Variants in EYS observed in about 807,000 individuals in gnomAD.
The protein encoded by EYS is EGF-like photoreceptor maintenance factor.
EYS carries 250 observed loss-of-function variants against 282.1 expected under a neutral mutation model. The observed-to-expected ratio is 0.89, with a 90% CI of 0.80 to 0.98. The LOEUF is 0.98. Among genes scored for constraint, EYS ranks in the 50% least tolerant of loss-of-function variants. EYS has a pLI of 0.00. For missense variants in EYS, 4,016 were observed against 3,709.0 expected (o/e 1.08, Z -2.15); for synonymous variants, 1,355 against 1,282.9 (o/e 1.06, Z -1.20).
intron 12 of EYS, among the ~76,000 whole-genome samples, chr6:65,270,279 G>T (rs1282365788): frequency 6.6e-6 from 1 of 152,268 alleles, no homozygotes; most frequent in Non-Finnish European, 1.5e-5. Flanking sequence ...TGATCTTAAG[G>T]CTCAAGGATA....
At chr6:65,380,863 A>G (rs1765584027) in intron 8 of EYS, among the ~76,000 whole-genome samples, 1 of 152,188 alleles carries the variant, frequency 6.6e-6, no homozygotes, top group Non-Finnish European at 1.5e-5. Context: ...AAACATATAA[A>G]AAAAAGCTCA....
intron 18 of EYS, among the ~76,000 whole-genome samples, chr6:64,898,135 C>A (rs1004583852): frequency 1.3e-5 from 2 of 151,666 alleles, no homozygotes; most frequent in African/African-American, 2.4e-5. Context: ...AGAAAAGCAA[C>A]CCCAAGGCAC....
intron 16 of EYS, among the ~76,000 whole-genome samples, chr6:64,904,013 A>G (rs372788303): frequency 3.7e-4 from 57 of 152,348 alleles, no homozygotes; most frequent in African/African-American, 1.3e-3. Flanking sequence ...ACACATATCA[A>G]AAGTTATATT....
intron 33 of EYS, among the ~76,000 whole-genome samples, chr6:64,031,992 C>G (rs1769869465): frequency 1.3e-5 from 2 of 152,138 alleles, no homozygotes; most frequent in Non-Finnish European, 2.9e-5. Context: ...TGCTGCTGCT[C>G]TCTCTTTGGG....
chr6:65,658,036 T>C (rs1464348595), intron 1 of EYS, among the ~76,000 whole-genome samples: 2 of 151,824 alleles, frequency 1.3e-5, no homozygotes, highest in African/African-American at 4.8e-5. Context: ...ATATGCACAT[T>C]GTTTTTTAGG....
At chr6:64,573,512 G>C (rs1462304307) in intron 26 of EYS, among the ~76,000 whole-genome samples, 2 of 151,990 alleles carry the variant, frequency 1.3e-5, no homozygotes, top group East Asian at 1.9e-4. Context: ...TGGGAGAAAA[G>C]TTTTCCATTC....
At chr6:64,554,827 T>A (rs1765188924) in intron 26 of EYS, among the ~76,000 whole-genome samples, 1 of 151,908 alleles carries the variant, frequency 6.6e-6, no homozygotes, top group Non-Finnish European at 1.5e-5. Flanking sequence ...ACTCCTCAGC[T>A]CCTCACAGCT....
chr6:65,180,693 T>G (rs920673050), intron 12 of EYS, among the ~76,000 whole-genome samples: 11 of 152,046 alleles, frequency 7.2e-5, no homozygotes, highest in African/African-American at 2.7e-4. Flanking sequence ...CTTCACAGAA[T>G]TGGAAAAAAC....
chr6:65,249,064 A>C (rs547712758), intron 12 of EYS, among the ~76,000 whole-genome samples: 75 of 149,880 alleles, frequency 5.0e-4, no homozygotes, highest in African/African-American at 1.8e-3. Flanking sequence ...AAAACTGACA[A>C]GTGAAAAAAA....
intron 26 of EYS, among the ~76,000 whole-genome samples, chr6:64,504,794 G>A (rs1216377333): frequency 6.6e-6 from 1 of 152,194 alleles, no homozygotes; most frequent in Non-Finnish European, 1.5e-5. Flanking sequence ...AGAGAGAGAA[G>A]TTCCATGTGG....
intron 13 of EYS, among the ~76,000 whole-genome samples, chr6:65,007,940 C>G (rs1374814787): frequency 2.0e-5 from 3 of 152,156 alleles, no homozygotes; most frequent in Non-Finnish European, 1.5e-5. Context: ...ACACTAACCC[C>G]AAATGAGAGA....
At chr6:64,940,180 T>TCAGAAAGGACTTA (rs1769042527) in intron 15 of EYS, among the ~76,000 whole-genome samples, 2 of 152,012 alleles carry the variant, frequency 1.3e-5, no homozygotes, top group South Asian at 4.1e-4. Context: ...AGTCGGTAAG[T>TCAGAAAGGACTTA]CCTTTCTAAC....
chr6:64,043,040 T>A (rs1490372497), intron 33 of EYS, among the ~76,000 whole-genome samples: 1 of 152,210 alleles, frequency 6.6e-6, no homozygotes, highest in African/African-American at 2.4e-5. Flanking sequence ...GAGACGATAG[T>A]AGTATTTTTC....
intron 12 of EYS, among the ~76,000 whole-genome samples, chr6:65,141,236 A>G (rs368974186): frequency 1.1e-4 from 16 of 152,028 alleles, no homozygotes; most frequent in Admixed American, 3.9e-4. Context: ...GTAAACTATC[A>G]CAAGGACAAA....
At chr6:64,683,269 G>A (rs1409785189) in intron 22 of EYS, among the ~76,000 whole-genome samples, 1 of 152,080 alleles carries the variant, frequency 6.6e-6, no homozygotes, top group Non-Finnish European at 1.5e-5. Context: ...TTTGCACTGA[G>A]CTCATAAATG....
chr6:65,475,495 C>A (rs955238114), intron 5 of EYS, among the ~76,000 whole-genome samples: 5 of 151,870 alleles, frequency 3.3e-5, no homozygotes, highest in African/African-American at 1.2e-4. Flanking sequence ...TCTGTGTGGT[C>A]AAGGATATTT....
chr6:64,592,823 G>A (rs1766453544), intron 25 of EYS, among the ~76,000 whole-genome samples: 1 of 152,028 alleles, frequency 6.6e-6, no homozygotes, highest in Non-Finnish European at 1.5e-5. Context: ...GTAGCACAAG[G>A]CCCTTTTAAA....
At chr6:64,035,697 C>T (rs960714466) in intron 33 of EYS, among the ~76,000 whole-genome samples, 24 of 152,168 alleles carry the variant, frequency 1.6e-4, no homozygotes, top group African/African-American at 5.8e-4. Context: ...AGTGATGCAT[C>T]TTATTTTTTC....
At chr6:65,035,076 G>T (rs1772725996) in intron 13 of EYS, among the ~76,000 whole-genome samples, 1 of 151,924 alleles carries the variant, frequency 6.6e-6, no homozygotes, top group East Asian at 1.9e-4. Flanking sequence ...ATCAATACAT[G>T]GAATTCATCA....
Sources: allele counts gnomAD v4.1 joint callset (sites outside exome capture counted in the v4.1 genomes callset), GRCh38; gene constraint gnomAD v4.1.1; transcripts MANE v1.5; gene names NCBI Gene and HGNC (gene_info 2026-07-23, HGNC 2026-07-21).